Variants in SGCD observed in about 807,000 individuals in gnomAD.
SGCD encodes sarcoglycan delta.
A neutral mutation model predicts 36.6 loss-of-function variants in SGCD; 18 were observed. That is an observed-to-expected ratio of 0.49 (90% CI 0.34 to 0.73). The LOEUF is 0.73. Ranked by LOEUF, SGCD falls within the 30% of genes least tolerant of loss-of-function variation. The pLI is 0.01. For missense variants in SGCD, 387 were observed against 346.7 expected (o/e 1.12, Z -0.92); for synonymous variants, 133 against 130.6 (o/e 1.02, Z -0.12).
intron 3 of SGCD, among the ~76,000 whole-genome samples, chr5:156,392,951 G>A (rs1771658465): frequency 6.6e-6 from 1 of 152,082 alleles, no homozygotes; most frequent in African/African-American, 2.4e-5. Context: ...GTTTTTATAG[G>A]CACAGGATGG....
chr5:155,739,044 G>A, the SGCD span, among the ~76,000 whole-genome samples: 3 of 152,128 alleles, frequency 2.0e-5, no homozygotes, highest in African/African-American at 7.2e-5. Flanking sequence ...ATTTATGCAT[G>A]TTTTCAAGAA....
intron 3 of SGCD, among the ~76,000 whole-genome samples, chr5:156,445,978 A>G (rs1341752648): frequency 6.6e-6 from 1 of 152,154 alleles, no homozygotes; most frequent in Non-Finnish European, 1.5e-5. Context: ...AAATGTAAAA[A>G]TAGAGTCTAT....
intron 4 of SGCD, among the ~76,000 whole-genome samples, chr5:156,581,744 C>A (rs1198879695): frequency 1.3e-5 from 2 of 152,194 alleles, no homozygotes; most frequent in South Asian, 4.1e-4. Context: ...TGGGATATAA[C>A]CTCCCGGTGT....
chr5:156,070,550 T>G (rs564155431), intron 1 of SGCD, among the ~76,000 whole-genome samples: 2 of 151,396 alleles, frequency 1.3e-5, no homozygotes, highest in South Asian at 2.1e-4. Flanking sequence ...TTATTGAGGA[T>G]TTTTGCATCA....
chr5:156,349,775 A>G (rs893363386), intron 3 of SGCD, among the ~76,000 whole-genome samples: 5 of 152,132 alleles, frequency 3.3e-5, no homozygotes, highest in Admixed American at 2.6e-4. Context: ...CATTATGTCA[A>G]AAAGAGACCT....
chr5:156,502,878 G>A (rs538575834), intron 3 of SGCD, among the ~76,000 whole-genome samples: 4 of 152,268 alleles, frequency 2.6e-5, no homozygotes, highest in African/African-American at 9.6e-5. Context: ...ACTCTAATCA[G>A]TTTTGTGTTA....
At chr5:156,360,983 G>A (rs1240493863) in intron 3 of SGCD, among the ~76,000 whole-genome samples, 4 of 152,052 alleles carry the variant, frequency 2.6e-5, no homozygotes, top group Non-Finnish European at 5.9e-5. Context: ...TGAGGCAAGG[G>A]GTCAATTGAG....
chr5:156,312,036 CT>C (rs1157758944), intron 3 of SGCD, among the ~76,000 whole-genome samples: 6 of 152,134 alleles, frequency 3.9e-5, no homozygotes, highest in African/African-American at 1.2e-4. Context: ...GAAAACAGAT[CT>C]TCTGACCCCT....
chr5:156,231,393 G>A (rs946044469), intron 3 of SGCD, among the ~76,000 whole-genome samples: 6 of 151,980 alleles, frequency 3.9e-5, no homozygotes, highest in African/African-American at 7.2e-5. Context: ...AAAATTAGCC[G>A]GGCATGGTGG....
intron 1 of SGCD, among the ~76,000 whole-genome samples, chr5:156,095,604 C>T (rs1761355999): frequency 1.3e-5 from 2 of 152,138 alleles, no homozygotes; most frequent in African/African-American, 4.8e-5. Flanking sequence ...GTTACCCATT[C>T]ATAAGCGCGG....
At chr5:156,003,521 G>A (rs1385210315) in intron 1 of SGCD, among the ~76,000 whole-genome samples, 2 of 152,188 alleles carry the variant, frequency 1.3e-5, no homozygotes, top group African/African-American at 2.4e-5. Context: ...AGGGTTTTAA[G>A]GGAAGTCACC....
chr5:155,847,583 G>A, the SGCD span, among the ~76,000 whole-genome samples: 1 of 152,088 alleles, frequency 6.6e-6, no homozygotes, highest in African/African-American at 2.4e-5. Flanking sequence ...TCTGAGCCTT[G>A]CCCTAAAAAG....
chr5:156,272,493 A>G (rs1474006457), intron 3 of SGCD, among the ~76,000 whole-genome samples: 1 of 152,132 alleles, frequency 6.6e-6, no homozygotes, highest in Non-Finnish European at 1.5e-5. Context: ...GTGTGTGCAT[A>G]TGTCTTTTTC....
chr5:155,988,524 C>T (rs1416065727), intron 1 of SGCD, among the ~76,000 whole-genome samples: 2 of 152,156 alleles, frequency 1.3e-5, no homozygotes, highest in African/African-American at 4.8e-5. Context: ...AGATAGACAA[C>T]TAATAGTGCC....
chr5:156,257,390 C>T (rs975625483), intron 3 of SGCD, among the ~76,000 whole-genome samples: 19 of 152,004 alleles, frequency 1.2e-4, no homozygotes, highest in Non-Finnish European at 2.4e-4. Context: ...AGGAGAATGG[C>T]GTGAACCCTG....
intron 1 of SGCD, among the ~76,000 whole-genome samples, chr5:155,948,826 C>T (rs1271388867): frequency 6.6e-6 from 1 of 152,108 alleles, no homozygotes; most frequent in East Asian, 1.9e-4. Context: ...GGTCTTATTC[C>T]CTATCATCTG....
At chr5:156,153,144 T>A (rs940540139) in intron 3 of SGCD, among the ~76,000 whole-genome samples, 4 of 151,698 alleles carry the variant, frequency 2.6e-5, no homozygotes, top group Non-Finnish European at 5.9e-5. Context: ...GGTAGCACTC[T>A]TTGAATACAC....
intron 3 of SGCD, among the ~76,000 whole-genome samples, chr5:156,352,695 A>C (rs1769316500): frequency 6.6e-6 from 1 of 152,210 alleles, no homozygotes; most frequent in African/African-American, 2.4e-5. Flanking sequence ...ATAAAAACTC[A>C]TACAGGATTA....
intron 4 of SGCD, among the ~76,000 whole-genome samples, chr5:156,540,288 C>T (rs1214616841): frequency 6.6e-6 from 1 of 151,990 alleles, no homozygotes; most frequent in Non-Finnish European, 1.5e-5. Flanking sequence ...TGGTATGAAG[C>T]TATTATTATT....
Sources: gnomAD v4.1 joint callset for allele counts (sites outside exome capture counted in the v4.1 genomes callset) on GRCh38, gnomAD v4.1.1 for gene constraint, MANE v1.5 for transcripts, NCBI Gene and HGNC (gene_info 2026-07-23, HGNC 2026-07-21) for gene names.